PPFIBP1: variants seen among roughly 807,000 people sequenced by gnomAD.
PPFIBP1 encodes liprin-beta-1.
A neutral mutation model predicts 137.8 loss-of-function variants in PPFIBP1; 112 were observed. That is an observed-to-expected ratio of 0.81 (90% CI 0.70 to 0.95). The LOEUF is 0.95. Ranked by LOEUF, PPFIBP1 falls within the 40% of genes least tolerant of loss-of-function variation. The pLI is 0.00. For synonymous variants in PPFIBP1, 378 were observed against 417.3 expected (o/e 0.91, Z 1.15); for missense variants, 1,083 against 1,196.6 (o/e 0.91, Z 1.40).
intron 1 of PPFIBP1, among the ~76,000 whole-genome samples, chr12:27,563,014 C>T (rs1050283507): frequency 1.5e-4 from 23 of 151,578 alleles, no homozygotes; most frequent in Admixed American, 6.6e-4. Context: ...GTTGTTCAAA[C>T]GCTAATCTAG....
intron 13 of PPFIBP1, among the ~76,000 whole-genome samples, chr12:27,669,120 C>T (rs1291819020): frequency 1.3e-5 from 2 of 152,004 alleles, no homozygotes; most frequent in African/African-American, 2.4e-5. Context: ...TGAGAAGAAA[C>T]CAAGTGGCAT....
intron 1 of PPFIBP1, among the ~76,000 whole-genome samples, chr12:27,577,701 A>G (rs1336714970): frequency 1.3e-5 from 2 of 152,232 alleles, no homozygotes; most frequent in Non-Finnish European, 2.9e-5. Context: ...TACATATTTT[A>G]TACAACTTGT....
chr12:27,620,139 T>C (rs527387765), intron 2 of PPFIBP1, among the ~76,000 whole-genome samples: 2 of 152,316 alleles, frequency 1.3e-5, no homozygotes, highest in Non-Finnish European at 2.9e-5. Context: ...CTTCTACCTC[T>C]GTCACCCCTG....
At chr12:27,685,894 A>C (rs1242005416) in intron 24 of PPFIBP1, among the ~76,000 whole-genome samples, 1 of 152,198 alleles carries the variant, frequency 6.6e-6, no homozygotes, top group Non-Finnish European at 1.5e-5. Flanking sequence ...GTTTTAAAAA[A>C]ATTGGGAAGA....
intron 1 of PPFIBP1, among the ~76,000 whole-genome samples, chr12:27,542,482 C>T (rs981132007): frequency 6.6e-6 from 1 of 152,162 alleles, no homozygotes; most frequent in African/African-American, 2.4e-5. Flanking sequence ...ATTAATTTTG[C>T]GCCCACCTAG....
intron 1 of PPFIBP1, chr12:27,548,956 C>G (rs1004622414): frequency 6.6e-6 from 1 of 152,182 alleles, no homozygotes; most frequent in African/African-American, 2.4e-5. Flanking sequence ...GTTCCTAATT[C>G]AGAAACTGAA....
chr12:27,663,571 T>C (rs1167885442), intron 11 of PPFIBP1, among the ~76,000 whole-genome samples: 1 of 152,198 alleles, frequency 6.6e-6, no homozygotes, highest in Non-Finnish European at 1.5e-5. Context: ...CCGGGCATGG[T>C]GGCTCACGCC....
At chr12:27,667,044 T>C in intron 12 of PPFIBP1, 122 bp from the exon 13 acceptor site, 2 of 1,026,924 alleles carry the variant, frequency 1.9e-6, no homozygotes, top group Non-Finnish European at 2.7e-6. Flanking sequence ...AGAAGCTGAC[T>C]CTGATTTTTG....
intron 1 of PPFIBP1, among the ~76,000 whole-genome samples, chr12:27,542,838 G>C (rs960622419): frequency 3.3e-5 from 5 of 152,148 alleles, no homozygotes; most frequent in Non-Finnish European, 7.4e-5. Context: ...TTTTGTCTAC[G>C]TGTTCATGTA....
chr12:27,638,759 G>A (rs1017187014), intron 4 of PPFIBP1, among the ~76,000 whole-genome samples: 4 of 152,154 alleles, frequency 2.6e-5, no homozygotes, highest in African/African-American at 4.8e-5. Flanking sequence ...CAATGAAAGA[G>A]TACAAACATT....
At chr12:27,570,943 A>G (rs549509761) in intron 1 of PPFIBP1, among the ~76,000 whole-genome samples, 170 of 149,792 alleles carry the variant, frequency 1.1e-3, no homozygotes, top group African/African-American at 3.8e-3. Context: ...AAATAAAAAA[A>G]TAAAATGTGC....
intron 1 of PPFIBP1, among the ~76,000 whole-genome samples, chr12:27,539,960 T>A (rs1225129815): frequency 6.6e-6 from 1 of 152,194 alleles, no homozygotes; most frequent in East Asian, 1.9e-4. Context: ...TTCCTTACAC[T>A]ACTAAAATGT....
chr12:27,679,263 T>A (rs10743606), intron 19 of PPFIBP1, among the ~76,000 whole-genome samples: 1 of 152,184 alleles, frequency 6.6e-6, no homozygotes, highest in Non-Finnish European at 1.5e-5. Context: ...TCCTATCACA[T>A]TCTTTTAATC....
chr12:27,689,712 A>G (rs1240652750), intron 27 of PPFIBP1, among the ~76,000 whole-genome samples: 4 of 151,920 alleles, frequency 2.6e-5, no homozygotes, highest in African/African-American at 9.7e-5. Context: ...TTCCCAACCC[A>G]GGCTTGTGGG....
At chr12:27,680,121 C>T in intron 21 of PPFIBP1, 60 bp downstream of exon 21, 1 of 1,593,318 alleles carries the variant, frequency 6.3e-7, no homozygotes, top group Middle Eastern at 1.7e-4. Flanking sequence ...CCTCATGAGT[C>T]CTGCAGTATT....
intron 1 of PPFIBP1, among the ~76,000 whole-genome samples, chr12:27,535,886 T>C (rs946594947): frequency 6.6e-6 from 1 of 152,218 alleles, no homozygotes; most frequent in Admixed American, 6.5e-5. Flanking sequence ...TGATGTGTAA[T>C]GAAAGACTGA....
rs148268029 is a variant in PPFIBP1, at chr12:27,602,795, A to T, written c.-36+24556A>T. Among the ~76,000 whole-genome samples the T allele has an allele frequency of 2.0e-5, 3 of 152,346 alleles. No homozygotes were observed. In the East Asian group the frequency reaches 5.8e-4, roughly 29 times the overall value. ...TAATTACTACCCTTGTATCACAAAA[A>T]TACCCATGTTGTAATGTTTTGAAAA... On this transcript the variant is annotated intron_variant, in intron 2 of 29. Coordinates refer to ENST00000228425, the MANE Select transcript of PPFIBP1 (RefSeq NM_003622.4).
rs553974536 is a variant in PPFIBP1, at chr12:27,670,464, T to C, written c.1147-967T>C. Among the ~76,000 whole-genome samples, 7 of 152,256 alleles carry C rather than the reference T, an allele frequency of 4.6e-5. No homozygotes were observed. In the East Asian group the frequency reaches 1.4e-3, roughly 29 times the overall value. On this transcript the variant is annotated intron_variant, in intron 13 of 29. Coordinates refer to ENST00000228425, the MANE Select transcript of PPFIBP1 (RefSeq NM_003622.4). ...GCTTGACCAATGTTCCATATAAGAT[T>C]AGTAGTAGAAATTAAAGTAAAAATG...
chr12:27,595,843 A>T (rs1357871256), intron 2 of PPFIBP1, among the ~76,000 whole-genome samples: 1 of 138,186 alleles, frequency 7.2e-6, no homozygotes, highest in Non-Finnish European at 1.5e-5. Context: ...AACAACAGCG[A>T]CACTCTGATC....
Sources: gnomAD v4.1 joint callset for allele counts (sites outside exome capture counted in the v4.1 genomes callset) on GRCh38, gnomAD v4.1.1 for gene constraint, MANE v1.5 for transcripts, NCBI Gene and HGNC (gene_info 2026-07-23, HGNC 2026-07-21) for gene names.